BCL11A: variants seen among roughly 807,000 people sequenced by gnomAD.
BCL11A encodes B cell CLL/lymphoma 11A.
Under a neutral mutation model 55.9 loss-of-function variants are expected in BCL11A, and 2 were observed. The ratio of observed to expected loss-of-function variants is 0.04; its 90% CI spans 0.01 to 0.11. The LOEUF (loss-of-function observed/expected upper bound fraction) is 0.11, where lower values mean the gene tolerates loss of function less well. BCL11A is among the 10% of genes least tolerant of loss of function. The probability of loss-of-function intolerance (pLI) is 1.00; values close to 1 mark genes in which losing one functional copy is unlikely to be tolerated. For synonymous variants in BCL11A, 465 were observed against 473.4 expected (o/e 0.98, Z 0.23); for missense variants, 817 against 1,137.1 (o/e 0.72, Z 4.05).
At chr2:60,551,044 G>C (rs577215739) in intron 1 of BCL11A, 7 of 397,186 alleles carry the variant, frequency 1.8e-5, no homozygotes, top group African/African-American at 1.0e-4. Flanking sequence ...AAGTTCCAGG[G>C]CCCAGTGAAA....
chr2:60,550,509 G>C (rs559966717), intron 1 of BCL11A, among the ~76,000 whole-genome samples: 4 of 150,840 alleles, frequency 2.7e-5, no homozygotes, highest in South Asian at 4.2e-4. Context: ...TCTTGATCTT[G>C]TTCTGCCTCC....
At chr2:60,504,144 T>C (rs890105641) in intron 2 of BCL11A, among the ~76,000 whole-genome samples, 1 of 152,192 alleles carries the variant, frequency 6.6e-6, no homozygotes, top group Non-Finnish European at 1.5e-5. Flanking sequence ...CACACTTGCC[T>C]GGCAGGACTC....
chr2:60,543,888 C>T (rs980491530), intron 2 of BCL11A: 2 of 152,118 alleles, frequency 1.3e-5, no homozygotes, highest in African/African-American at 4.8e-5. Flanking sequence ...TTTAAATTTG[C>T]TTTTGGTTTT....
At chr2:60,552,235 T>G (rs1214204371) in intron 1 of BCL11A, among the ~76,000 whole-genome samples, 1 of 152,164 alleles carries the variant, frequency 6.6e-6, no homozygotes, top group Non-Finnish European at 1.5e-5. Context: ...TACATTCTCT[T>G]GCCTTGTTTT....
At position 60,461,397 on chromosome 2, in the gene BCL11A, C is replaced by G; in HGVS notation, c.1515G>C (p.Leu505=). ...EEEEEEEEEE[L]TESERVDYGF... is the part of the protein sequence containing the mutation. ...CGTAGTCCACCCTCTCGCTCTCCGT[C>G]AGCTCCTCCTCCTCCTCTTCCTCCT... The change falls in exon 4 of 4, where the codon CTG becomes CTC. Residue 505 remains leucine (L), a synonymous_variant. Coordinates refer to ENST00000642384, the MANE Select transcript of BCL11A (RefSeq NM_022893.4). The G allele has an allele frequency of 6.2e-7, 1 of 1,605,738 alleles. No individual in the cohort carries two copies. Among genetic ancestry groups the G allele is most frequent in the Non-Finnish European group, 8.5e-7 (1 of 1,178,878 alleles).
intron 2 of BCL11A, chr2:60,525,913 T>C (rs531672882): frequency 2.0e-5 from 3 of 152,232 alleles, no homozygotes; most frequent in African/African-American, 7.2e-5. Context: ...CCTTTACTAA[T>C]TTTTATGTTA....
At chr2:60,526,785 CAAAT>C (rs1476243326) in intron 2 of BCL11A, 1 of 152,190 alleles carries the variant, frequency 6.6e-6, no homozygotes, top group Non-Finnish European at 1.5e-5. Context: ...CATGATGAAA[CAAAT>C]AAAGGGCTGA....
At chr2:60,542,903 G>A (rs762746833) in intron 2 of BCL11A, 31 of 152,246 alleles carry the variant, frequency 2.0e-4, no homozygotes, top group Middle Eastern at 3.4e-3. Context: ...AGTGGCACAC[G>A]CCTGTAATCC....
At chr2:60,456,619 T>C (rs182875145), downstream of BCL11A, among the ~76,000 whole-genome samples, 1 of 152,308 alleles carries the variant, frequency 6.6e-6, no homozygotes, top group Admixed American at 6.5e-5. Context: ...CTCTCTTTTT[T>C]TCTCCCTCTT....
At chr2:60,488,251 G>A (rs1396909435) in intron 2 of BCL11A, among the ~76,000 whole-genome samples, 2 of 152,284 alleles carry the variant, frequency 1.3e-5, no homozygotes, top group South Asian at 4.1e-4. Flanking sequence ...GATTTTAACT[G>A]AACAATGTCT....
intron 2 of BCL11A, among the ~76,000 whole-genome samples, chr2:60,475,327 G>GGTTC (rs1221155586): frequency 6.6e-6 from 1 of 152,182 alleles, no homozygotes; most frequent in Admixed American, 6.5e-5. Context: ...ACTCCATGAA[G>GGTTC]GTTCATCTGT....
intron 3 of BCL11A, among the ~76,000 whole-genome samples, chr2:60,464,994 G>A (rs1407807727): frequency 1.3e-5 from 2 of 152,176 alleles, no homozygotes; most frequent in East Asian, 1.9e-4. Flanking sequence ...TAATCATAAT[G>A]TCAATGAGAA....
chr2:60,519,422 C>T (rs995651929), intron 2 of BCL11A, among the ~76,000 whole-genome samples: 13 of 152,258 alleles, frequency 8.5e-5, no homozygotes, highest in East Asian at 3.9e-4. Flanking sequence ...CATGTTGGAA[C>T]GCTTACTTTA....
At chr2:60,466,399 C>T (rs2103908246) in intron 3 of BCL11A, among the ~76,000 whole-genome samples, 1 of 152,298 alleles carries the variant, frequency 6.6e-6, no homozygotes, top group Admixed American at 6.5e-5. Flanking sequence ...GCTCTCCCCA[C>T]CCAGCCAGCA....
chr2:60,498,461 G>A lies in BCL11A; in HGVS notation c.386-29628C>T, dbSNP rs1193255030. Among the ~76,000 whole-genome samples the A allele has an allele frequency of 2.0e-5, 3 of 152,314 alleles. No homozygotes were observed. The East Asian group carries it at 5.8e-4, about 29-fold the overall frequency. ...ATCACAGGGTGTGCCCTGAGAAGGT[G>A]GGGAGCTCACAGCCTCCAAGCATTG... On this transcript the variant is annotated intron_variant, in intron 2 of 3. Transcript: ENST00000642384.
intron 2 of BCL11A, among the ~76,000 whole-genome samples, chr2:60,487,761 T>C (rs1678366216): frequency 6.6e-6 from 1 of 152,234 alleles, no homozygotes. Flanking sequence ...GCGGTAATTT[T>C]CTCATCAACC....
Position 60,461,611 on chromosome 2 carries a change from A to G in BCL11A, c.1301T>C (p.Met434Thr). The G allele has an allele frequency of 6.2e-7, 1 of 1,613,606 alleles. No homozygotes were observed. The highest frequency in any genetic ancestry group is 8.5e-7 in the Non-Finnish European group (1 of 1,180,018). The change falls in exon 4 of 4, where the codon ATG becomes ACG. Residue 434 changes from methionine (M) to threonine (T), a missense_variant. Physicochemically the swap from Met to Thr is moderately conservative, Grantham distance 81 (BLOSUM62 -1). Coordinates refer to ENST00000642384, the MANE Select transcript of BCL11A (RefSeq NM_022893.4). ...GAGACCGTCGTCGGACTTGACCGTC[A>G]TGGGGGACGATTTGTGCATGTGCGT... is the stretch of plus-strand genomic sequence containing the variant. ...MKTHMHKSSP[M>T]TVKSDDGLST...
intron 2 of BCL11A, chr2:60,527,925 G>A (rs190996508): frequency 6.6e-6 from 1 of 152,400 alleles, no homozygotes; most frequent in African/African-American, 2.4e-5. Flanking sequence ...GGCAGCCTGT[G>A]GAGTGACTGG....
rs1670236027 is a variant in BCL11A, at chr2:60,548,174, A to C, written c.56-1874T>G. 2.6e-5 allele frequency among the ~76,000 whole-genome samples: 4 copies of C among 152,208 alleles called. 1 individual carries two copies. The highest frequency in any genetic ancestry group is 2.6e-4 in the Admixed American group (4 of 15,286). On this transcript the variant is annotated intron_variant, in intron 1 of 3. Coordinates refer to ENST00000642384, the MANE Select transcript of BCL11A (RefSeq NM_022893.4). ...TCCTGTTGTCTGAATTAAGGATTTT[A>C]AGTACACATTGATAAATGTGGCTTT...
Sources: gnomAD v4.1 joint callset for allele counts (sites outside exome capture counted in the v4.1 genomes callset) on GRCh38, gnomAD v4.1.1 for gene constraint, MANE v1.5 for transcripts, NCBI Gene and HGNC (gene_info 2026-07-23, HGNC 2026-07-21) for gene names.